Variants in DLG2 observed in about 807,000 individuals in gnomAD.
The protein encoded by DLG2 is discs large MAGUK scaffold protein 2.
In DLG2, 45 loss-of-function variants were observed where a neutral mutation model predicts 132.5. The observed-to-expected ratio is 0.34, with a 90% CI of 0.27 to 0.44. The LOEUF is 0.44. Ranked by LOEUF, DLG2 falls within the 20% of genes least tolerant of loss-of-function variation. The probability of loss-of-function intolerance (pLI) is 1.00; values close to 1 mark genes in which losing one functional copy is unlikely to be tolerated. For missense variants in DLG2, 1,045 were observed against 1,196.9 expected, an observed-to-expected ratio of 0.87 and a Z score of 1.87; for synonymous variants, 424 against 419.6, an observed-to-expected ratio of 1.01 and a Z score of -0.13.
chr11:83,534,287 C>T (rs760719616), intron 20 of DLG2, among the ~76,000 whole-genome samples: 25 of 152,142 alleles, frequency 1.6e-4, no homozygotes, highest in Non-Finnish European at 2.9e-4. Flanking sequence ...TATAGCAAGT[C>T]CTCAATAAAT....
chr11:84,649,935 T>C (rs1021569204), intron 6 of DLG2, among the ~76,000 whole-genome samples: 1 of 152,194 alleles, frequency 6.6e-6, no homozygotes, highest in Non-Finnish European at 1.5e-5. Context: ...GGAAGTTCCC[T>C]TGTCTCATGT....
intron 6 of DLG2, among the ~76,000 whole-genome samples, chr11:84,703,857 GATATATATATATAT>G (rs5793132): frequency 7.8e-5 from 8 of 102,692 alleles, no homozygotes; most frequent in African/African-American, 3.3e-4. Context: ...ATGTAGTGAA[GATATATATATATAT>G]ATATATATAT....
chr11:84,729,204 C>T (rs1193729927), intron 6 of DLG2, among the ~76,000 whole-genome samples: 1 of 152,136 alleles, frequency 6.6e-6, no homozygotes, highest in Non-Finnish European at 1.5e-5. Context: ...ATCCTTCCTT[C>T]TTTCTCTTGT....
chr11:84,066,213 C>A (rs1232736988), intron 10 of DLG2, among the ~76,000 whole-genome samples: 1 of 152,048 alleles, frequency 6.6e-6, no homozygotes, highest in Non-Finnish European at 1.5e-5. Context: ...ACCCCCGAAA[C>A]TAAAGGTTTA....
chr11:83,805,817 T>G (rs753006909), intron 17 of DLG2, among the ~76,000 whole-genome samples: 4 of 152,178 alleles, frequency 2.6e-5, no homozygotes, highest in Admixed American at 2.6e-4. Flanking sequence ...GATACTTCTC[T>G]GATATGAGGG....
At chr11:84,814,782 A>G (rs975330113) in intron 6 of DLG2, among the ~76,000 whole-genome samples, 4 of 152,090 alleles carry the variant, frequency 2.6e-5, no homozygotes, top group African/African-American at 7.2e-5. Flanking sequence ...GTGCTTTGCT[A>G]TACTCTTACA....
chr11:84,315,066 A>G (rs2098340252), intron 7 of DLG2, among the ~76,000 whole-genome samples: 1 of 152,156 alleles, frequency 6.6e-6, no homozygotes, highest in Admixed American at 6.5e-5. Context: ...AAATGTATAG[A>G]AATGCTTATG....
chr11:83,797,228 G>T (rs1188467186), intron 17 of DLG2, among the ~76,000 whole-genome samples: 1 of 152,046 alleles, frequency 6.6e-6, no homozygotes, highest in Non-Finnish European at 1.5e-5. Flanking sequence ...AAAAGAAGAA[G>T]AAGAAGAAGA....
chr11:84,676,847 C>T (rs1013173174), intron 6 of DLG2, among the ~76,000 whole-genome samples: 2 of 151,932 alleles, frequency 1.3e-5, no homozygotes, highest in South Asian at 2.1e-4. Context: ...AGGCCTGATA[C>T]TTGAAGTGTA....
At chr11:84,860,414 A>G (rs1187156490) in intron 6 of DLG2, among the ~76,000 whole-genome samples, 1 of 152,120 alleles carries the variant, frequency 6.6e-6, no homozygotes. Flanking sequence ...TTTTCTGACA[A>G]TGAAGCTAGG....
chr11:85,572,916 G>A (rs2077929778), intron 3 of DLG2, among the ~76,000 whole-genome samples: 1 of 152,192 alleles, frequency 6.6e-6, no homozygotes. Context: ...AGGGACTGAT[G>A]GAAGGTATTT....
intron 6 of DLG2, among the ~76,000 whole-genome samples, chr11:84,742,704 T>C (rs1382971738): frequency 1.3e-5 from 2 of 152,204 alleles, no homozygotes; most frequent in African/African-American, 4.8e-5. Context: ...GTGGTGTACA[T>C]TCTGTGGGTT....
chr11:84,221,534 G>C (rs2096916618), intron 8 of DLG2, among the ~76,000 whole-genome samples: 1 of 152,132 alleles, frequency 6.6e-6, no homozygotes, highest in Admixed American at 6.6e-5. Flanking sequence ...GTGCTAAGTA[G>C]CAAAGTTTCT....
intron 8 of DLG2, among the ~76,000 whole-genome samples, chr11:84,226,147 T>C (rs1378324300): frequency 2.0e-5 from 3 of 152,242 alleles, no homozygotes; most frequent in African/African-American, 7.2e-5. Flanking sequence ...GTTTATCTTT[T>C]ATTTAAAATT....
chr11:83,639,789 TA>T (rs141488581), intron 18 of DLG2, among the ~76,000 whole-genome samples: 103 of 146,680 alleles, frequency 7.0e-4, no homozygotes, highest in Admixed American at 1.8e-3. Context: ...GGAGTAAAAT[TA>T]AAAAAAAAAA....
chr11:83,829,196 GC>G lies in DLG2; in HGVS notation c.1722+4417del, dbSNP rs1285412613. On this transcript the variant is annotated intron_variant, in intron 17 of 27. Coordinates refer to ENST00000376104, the MANE Select transcript of DLG2 (RefSeq NM_001142699.3). ...ATTAATATGTATTGAATTTTATTTA[GC>G]TTTTTTTTTTTTTTTTTTTGACAGA... 4.2e-5 allele frequency among the ~76,000 whole-genome samples: 5 copies of G among 119,672 alleles called. No individual in the cohort carries two copies. In the South Asian group the frequency reaches 8.9e-4, roughly 21 times the overall value. 78.5% of individuals were successfully genotyped at this position (119,672 alleles called of 152,430 possible).
intron 6 of DLG2, among the ~76,000 whole-genome samples, chr11:85,017,819 C>A (rs1425293303): frequency 6.6e-6 from 1 of 152,130 alleles, no homozygotes; most frequent in East Asian, 1.9e-4. Context: ...ACCCTTCCTT[C>A]TCTCTCTCCT....
intron 6 of DLG2, among the ~76,000 whole-genome samples, chr11:84,586,693 CT>C (rs1565378300): frequency 6.6e-6 from 1 of 151,558 alleles, no homozygotes; most frequent in African/African-American, 2.4e-5. Context: ...TTGTTATTGA[CT>C]TTTTTGATTG....
intron 21 of DLG2, among the ~76,000 whole-genome samples, chr11:83,510,528 C>G (rs1307513030): frequency 6.6e-6 from 1 of 152,206 alleles, no homozygotes; most frequent in African/African-American, 2.4e-5. Flanking sequence ...ACAGCTGAGA[C>G]TCCTAGCCTG....
Sources: gnomAD v4.1 joint callset for allele counts (sites outside exome capture counted in the v4.1 genomes callset) on GRCh38, gnomAD v4.1.1 for gene constraint, MANE v1.5 for transcripts, NCBI Gene and HGNC (gene_info 2026-07-23, HGNC 2026-07-21) for gene names.